Variants in HIPK2 observed in about 807,000 individuals in gnomAD.
HIPK2 encodes homeodomain interacting protein kinase 2.
A neutral mutation model predicts 113.7 loss-of-function variants in HIPK2; 27 were observed. That is an observed-to-expected ratio of 0.24 (90% confidence interval 0.17 to 0.33). The LOEUF (loss-of-function observed/expected upper bound fraction) is 0.33. Ranked by LOEUF, HIPK2 falls within the 10% of genes least tolerant of loss-of-function variation. HIPK2 has a pLI of 1.00. For synonymous variants in HIPK2, 631 were observed against 642.2 expected (o/e 0.98, Z 0.26); for missense variants, 1,257 against 1,588.0 (o/e 0.79, Z 3.54).
chr7:139,569,740 CTTTTT>C lies in HIPK2; in HGVS notation c.*3182_*3186del. Reference sequence around the variant, plus strand: ...AATTTTCCTACTTCCTAAGTCTTTCCTTTTTTTTTTTGCCTGACAAAACTGGACAT... The same window carrying C: ...AATTTTCCTACTTCCTAAGTCTTTCCTTTTTTGCCTGACAAAACTGGACAT... On this transcript the variant is annotated 3_prime_UTR_variant, in exon 15 of 15. Transcript: ENST00000406875. 1 of 145,872 alleles carries C rather than the reference CTTTTT, an allele frequency of 6.9e-6. No homozygotes were observed. The highest frequency in any genetic ancestry group is 1.5e-5 in the Non-Finnish European group (1 of 65,858). The allele number at this position is 145,872 out of a possible 1,614,324, so 9.0% of individuals were successfully genotyped here. A position where few individuals can be genotyped will look rare whatever the true frequency, so the allele number is the denominator to read the frequency against.
At chr7:139,665,558 ACATCCATC>A (rs71170908) in intron 2 of HIPK2, among the ~76,000 whole-genome samples, 199 of 148,176 alleles carry the variant, frequency 1.3e-3, no homozygotes, top group East Asian at 2.6e-3. Context: ...CCTCCTGGCC[ACATCCATC>A]CATCCATCCA....
At chr7:139,693,088 G>A (rs1489773362) in intron 2 of HIPK2, among the ~76,000 whole-genome samples, 1 of 152,206 alleles carries the variant, frequency 6.6e-6, no homozygotes. Flanking sequence ...ACTGTGAGAA[G>A]ATGCAAAGCT....
In HIPK2 at chr7:139,583,960, C is replaced by T. The variant is rs550978102; in HGVS notation, c.2822G>A (p.Arg941His). 2.4e-5 allele frequency: 38 copies of T among 1,614,028 alleles called. No individual in the cohort carries two copies. The highest frequency in any genetic ancestry group is 5.5e-5 in the South Asian group (5 of 91,084). The part of the protein sequence containing the change: ...SNTSPYSVQQ[R>H]AGHNNANAFD... ...GGCATTGGCATTGTTGTGCCCAGCA[C>T]GCTGCTGCACGGAGTAGGGGCTGGT... The change falls in exon 13 of 15, where the codon CGT becomes CAT. Residue 941 changes from arginine (R) to histidine (H), a missense_variant. Arg to His is a conservative substitution (Grantham distance 29). Transcript: ENST00000406875.
intron 1 of HIPK2, among the ~76,000 whole-genome samples, chr7:139,757,303 T>C (rs980410155): frequency 6.6e-6 from 1 of 152,224 alleles, no homozygotes; most frequent in South Asian, 2.1e-4. Flanking sequence ...AATTTATATA[T>C]GCCAAACTAC....
chr7:139,673,675 G>A (rs1802385374), intron 2 of HIPK2, among the ~76,000 whole-genome samples: 1 of 152,104 alleles, frequency 6.6e-6, no homozygotes, highest in African/African-American at 2.4e-5. Context: ...TACCTACAGT[G>A]ATGGTAGGTA....
chr7:139,649,214 C>A (rs1801363279), intron 2 of HIPK2, among the ~76,000 whole-genome samples: 1 of 152,062 alleles, frequency 6.6e-6, no homozygotes, highest in African/African-American at 2.4e-5. Flanking sequence ...TCATTTCCAC[C>A]TCCCCACACC....
chr7:139,743,583 C>T (rs888492555), intron 1 of HIPK2, among the ~76,000 whole-genome samples: 3 of 152,152 alleles, frequency 2.0e-5, no homozygotes, highest in African/African-American at 7.2e-5. Context: ...CCCCCTAAGT[C>T]CTCCATCTAG....
At chr7:139,659,798 G>T (rs971299994) in intron 2 of HIPK2, among the ~76,000 whole-genome samples, 3 of 152,068 alleles carry the variant, frequency 2.0e-5, no homozygotes, top group African/African-American at 4.8e-5. Flanking sequence ...AGAAAATTAG[G>T]GTTATTTCTT....
At chr7:139,665,797 G>C (rs996119953) in intron 2 of HIPK2, among the ~76,000 whole-genome samples, 3 of 152,176 alleles carry the variant, frequency 2.0e-5, no homozygotes, top group Non-Finnish European at 4.4e-5. Flanking sequence ...TGACCCAGAT[G>C]CTCATTTGTT....
In HIPK2 at chr7:139,762,710, T is replaced by C. The variant is rs866627200; in HGVS notation, c.19+14895A>G. Among the ~76,000 whole-genome samples, 6 of 152,364 alleles carry C rather than the reference T, an allele frequency of 3.9e-5. No individual in the cohort carries two copies. The Middle Eastern group carries it at 0.01, about 259-fold the overall frequency. ...AAAATCTGTATGAACAAAAGCATGT[T>C]GTACAATCATTCACTGATTTGCCAA... On this transcript the variant is annotated intron_variant, in intron 1 of 14. Coordinates refer to ENST00000406875, the MANE Select transcript of HIPK2 (RefSeq NM_022740.5).
chr7:139,704,131 CCA>C (rs1157756895), intron 2 of HIPK2, among the ~76,000 whole-genome samples: 9 of 129,556 alleles, frequency 6.9e-5, no homozygotes, highest in Admixed American at 5.5e-4. Flanking sequence ...CACACACACA[CCA>C]CACACACACA....
intron 2 of HIPK2, among the ~76,000 whole-genome samples, chr7:139,674,434 G>T (rs373225407): frequency 1.3e-5 from 2 of 152,214 alleles, no homozygotes; most frequent in Non-Finnish European, 2.9e-5. Flanking sequence ...TCAGAAGAGC[G>T]CAAATCCATC....
chr7:139,695,125 T>C (rs1794526356), intron 2 of HIPK2, among the ~76,000 whole-genome samples: 1 of 152,222 alleles, frequency 6.6e-6, no homozygotes, highest in South Asian at 2.1e-4. Context: ...GTGCACGGAC[T>C]TCACTCACAA....
chr7:139,573,477 G>T, intron 14 of HIPK2, 80 bp from the exon 15 acceptor site: 1 of 1,325,254 alleles, frequency 7.5e-7, no homozygotes, highest in Non-Finnish European at 1.1e-6. Context: ...CAGGAGGGCA[G>T]GGAGGAGGAA....
Position 139,714,410 on chromosome 7 carries a change from G to A in HIPK2, c.1103+1522C>T, listed in dbSNP as rs1795159099. The stretch of plus-strand genomic sequence containing the variant: ...GCTGTTGCTCTCCCAGGGAAGGAGG[G>A]CCTGGTGCCCAGCAGGCTGAGGGAG... On this transcript the variant is annotated intron_variant, in intron 2 of 14. Transcript: ENST00000406875. This position sits in a 1 kb window ranked among gnomAD's most constrained non-coding sequence, Gnocchi z 4.2. Among the ~76,000 whole-genome samples the A allele has an allele frequency of 1.3e-5, 2 of 152,174 alleles. No individual in the cohort carries two copies. The highest frequency in any genetic ancestry group is 1.9e-4 in the East Asian group (1 of 5,184).
intron 2 of HIPK2, among the ~76,000 whole-genome samples, chr7:139,686,618 G>C (rs1794229820): frequency 6.6e-6 from 1 of 152,170 alleles, no homozygotes; most frequent in African/African-American, 2.4e-5. Context: ...GCTGCCATGT[G>C]AAGAAGGATG....
chr7:139,643,836 T>C (rs1801115827), intron 2 of HIPK2, among the ~76,000 whole-genome samples: 1 of 152,246 alleles, frequency 6.6e-6, no homozygotes, highest in Admixed American at 6.5e-5. Flanking sequence ...TGCCCTGTAA[T>C]TCCTGAGATC....
chr7:139,712,966 G>A (rs889457729), intron 2 of HIPK2, among the ~76,000 whole-genome samples: 2 of 152,144 alleles, frequency 1.3e-5, no homozygotes, highest in African/African-American at 4.8e-5. Context: ...CCGTATTTTT[G>A]GAACCAGGGC....
chr7:139,727,935 A>ATT (rs10524758), intron 1 of HIPK2, among the ~76,000 whole-genome samples: 3,278 of 116,446 alleles, frequency 0.028, 185 homozygotes, highest in African/African-American at 0.096. Flanking sequence ...GCATTGGCTA[A>ATT]TTTTTTTTTT....
Sources: allele counts gnomAD v4.1 joint callset (sites outside exome capture counted in the v4.1 genomes callset), GRCh38; gene constraint gnomAD v4.1.1; non-coding constraint Gnocchi (gnomAD v3.1); transcripts MANE v1.5; gene names NCBI Gene and HGNC (gene_info 2026-07-23, HGNC 2026-07-21).